Variants in LPCAT2 observed in about 807,000 individuals in gnomAD.
LPCAT2 encodes the protein lysophosphatidylcholine acyltransferase 2, also known as 1-AGP acyltransferase 11.
Under a neutral mutation model 64.7 loss-of-function variants are expected in LPCAT2, and 58 were observed. That is an observed-to-expected ratio of 0.90 (90% CI 0.73 to 1.12). The LOEUF is 1.12. Among genes scored for constraint, LPCAT2 ranks in the 50% most tolerant of loss-of-function variants. The pLI, the probability that LPCAT2 is intolerant of heterozygous loss-of-function variation, is 0.00. For missense variants in LPCAT2, 579 were observed against 669.8 expected, an observed-to-expected ratio of 0.86 and a Z score of 1.50; for synonymous variants, 252 against 245.3, an observed-to-expected ratio of 1.03 and a Z score of -0.26.
At chr16:55,534,348 GA>G (rs1963296482) in intron 6 of LPCAT2, 94 bp from the exon 7 acceptor site, 6 of 773,814 alleles carry the variant, frequency 7.8e-6, no homozygotes, top group Admixed American at 6.3e-5. Context: ...TTTAATTTCA[GA>G]AAAAATACAT....
At chr16:55,527,932 C>T (rs1488361366) in intron 2 of LPCAT2, among the ~76,000 whole-genome samples, 1 of 152,176 alleles carries the variant, frequency 6.6e-6, no homozygotes, top group African/African-American at 2.4e-5. Context: ...CTTCATTACA[C>T]AAATGTGGAT....
chr16:55,566,779 TGGAA>T, intron 11 of LPCAT2: 1 of 1,613,152 alleles, frequency 6.2e-7, no homozygotes, highest in South Asian at 1.1e-5. Flanking sequence ...AAGGCTCTAT[TGGAA>T]GGAGCAGATC....
chr16:55,523,125 A>G (rs1963121180), intron 1 of LPCAT2, among the ~76,000 whole-genome samples: 1 of 151,718 alleles, frequency 6.6e-6, no homozygotes, highest in Non-Finnish European at 1.5e-5. Flanking sequence ...CAAACCAGTA[A>G]AAATGGGCCA....
At chr16:55,564,225 T>C (rs1721663339) in intron 11 of LPCAT2, among the ~76,000 whole-genome samples, 1 of 151,982 alleles carries the variant, frequency 6.6e-6, no homozygotes, top group African/African-American at 2.4e-5. Context: ...AATGGAAAGA[T>C]ATTCCATGTT....
chr16:55,576,442 TAAGA>T (rs1302217363), intron 12 of LPCAT2, among the ~76,000 whole-genome samples: 2 of 151,830 alleles, frequency 1.3e-5, no homozygotes, highest in African/African-American at 4.9e-5. Context: ...TTGCAAGCAA[TAAGA>T]TAGACTGACT....
intron 6 of LPCAT2, among the ~76,000 whole-genome samples, chr16:55,533,574 G>A (rs990092560): frequency 6.6e-6 from 1 of 151,414 alleles, no homozygotes; most frequent in Non-Finnish European, 1.5e-5. Flanking sequence ...CACCATGCCC[G>A]GCTAATTTTT....
intron 1 of LPCAT2, among the ~76,000 whole-genome samples, chr16:55,522,479 C>G (rs1963111052): frequency 6.6e-6 from 1 of 151,534 alleles, no homozygotes; most frequent in African/African-American, 2.4e-5. Context: ...TAGAAACTGA[C>G]AATTCTAAAA....
intron 2 of LPCAT2, among the ~76,000 whole-genome samples, chr16:55,527,259 G>A (rs866733071): frequency 1.3e-5 from 2 of 151,930 alleles, no homozygotes; most frequent in Non-Finnish European, 2.9e-5. Flanking sequence ...TGAGGCAGGC[G>A]GATCACTTGA....
intron 11 of LPCAT2, among the ~76,000 whole-genome samples, chr16:55,554,061 T>C (rs1240398435): frequency 6.6e-6 from 1 of 152,214 alleles, no homozygotes; most frequent in Non-Finnish European, 1.5e-5. Context: ...AAATGTGCAG[T>C]CATCCAGGCT....
chr16:55,569,992 C>T (rs1238972139), intron 11 of LPCAT2, among the ~76,000 whole-genome samples: 1 of 152,132 alleles, frequency 6.6e-6, no homozygotes, highest in Non-Finnish European at 1.5e-5. Context: ...CATATAACTC[C>T]ATGCCATTAT....
chr16:55,566,987 A>G, intron 11 of LPCAT2: 1 of 1,613,936 alleles, frequency 6.2e-7, no homozygotes, highest in Non-Finnish European at 8.5e-7. Context: ...AAAGTGAGGA[A>G]GTTAGGCGAT....
At chr16:55,523,115 C>G (rs1963121024) in intron 1 of LPCAT2, among the ~76,000 whole-genome samples, 1 of 151,368 alleles carries the variant, frequency 6.6e-6, no homozygotes, top group African/African-American at 2.4e-5. Flanking sequence ...AAAAGACTAA[C>G]AAACCAGTAA....
intron 2 of LPCAT2, among the ~76,000 whole-genome samples, chr16:55,527,243 A>C (rs1443194095): frequency 4.6e-5 from 7 of 151,994 alleles, no homozygotes; most frequent in Admixed American, 4.6e-4. Flanking sequence ...TCCTATTTTT[A>C]AAAGCTGAGG....
At chr16:55,572,752 T>G (rs1298394156) in intron 11 of LPCAT2, among the ~76,000 whole-genome samples, 1 of 152,082 alleles carries the variant, frequency 6.6e-6, no homozygotes, top group African/African-American at 2.4e-5. Flanking sequence ...GACAAGGAGT[T>G]CAAGCCTGTA....
At position 55,519,519 on chromosome 16, in the gene LPCAT2, AG is replaced by A. The variant is rs1358290471; in HGVS notation, c.172-5988del. ...GCGAGACTCCATCACAAAAAAAAAA[AG>A]AAAGAAAGAAGAGAAATGGTAAAGA... On this transcript the variant is annotated intron_variant, in intron 1 of 13. Coordinates refer to ENST00000262134, the MANE Select transcript of LPCAT2 (RefSeq NM_017839.5). Among the ~76,000 whole-genome samples, 32 of 149,944 alleles carry A rather than the reference AG, an allele frequency of 2.1e-4. 3 individuals are homozygous for A. The highest frequency in any genetic ancestry group is 8.4e-4 in the South Asian group (4 of 4,788).
At chr16:55,519,861 T>C (rs1444655084) in intron 1 of LPCAT2, among the ~76,000 whole-genome samples, 3 of 152,126 alleles carry the variant, frequency 2.0e-5, no homozygotes, top group Non-Finnish European at 2.9e-5. Flanking sequence ...GCACACATTG[T>C]AATCTTCAGA....
chr16:55,515,459 A>G (rs182118580), intron 1 of LPCAT2, among the ~76,000 whole-genome samples: 1 of 152,314 alleles, frequency 6.6e-6, no homozygotes, highest in Admixed American at 6.5e-5. Context: ...ATGCCCTAAG[A>G]TAAATAATAA....
intron 1 of LPCAT2, among the ~76,000 whole-genome samples, chr16:55,524,607 T>A (rs1963142384): frequency 6.6e-6 from 1 of 151,996 alleles, no homozygotes; most frequent in African/African-American, 2.4e-5. Flanking sequence ...TCTAAATTAT[T>A]TGATGGTGCT....
At chr16:55,540,383 T>G (rs1963381416) in intron 8 of LPCAT2, 2 of 152,184 alleles carry the variant, frequency 1.3e-5, no homozygotes, top group African/African-American at 4.8e-5. Context: ...TTAGTCATAC[T>G]TTTATTAACC....
Sources: allele counts gnomAD v4.1 joint callset (sites outside exome capture counted in the v4.1 genomes callset), GRCh38; gene constraint gnomAD v4.1.1; transcripts MANE v1.5; gene names NCBI Gene and HGNC (gene_info 2026-07-23, HGNC 2026-07-21).